NHLRC2: variants seen among roughly 807,000 people sequenced by gnomAD.
NHLRC2 encodes NHL repeat-containing protein 2.
NHLRC2 carries 33 observed loss-of-function variants against 68.1 expected under a neutral mutation model. The observed-to-expected ratio is 0.48, with a 90% CI of 0.37 to 0.65. The LOEUF (loss-of-function observed/expected upper bound fraction) is 0.65. Among genes scored for constraint, NHLRC2 ranks in the 30% least tolerant of loss-of-function variants. The pLI is 0.00. For synonymous variants in NHLRC2, 311 were observed against 309.6 expected (o/e 1.00, Z -0.05); for missense variants, 761 against 853.8 (o/e 0.89, Z 1.35).
At position 113,904,152 on chromosome 10, in the gene NHLRC2, G is replaced by A. The variant is rs147141212; in HGVS notation, c.1704+416G>A. Among the ~76,000 whole-genome samples, 1,109 of 142,884 alleles carry A rather than the reference G, an allele frequency of 7.8e-3. 2 individuals carry two copies. Among genetic ancestry groups the A allele is most frequent in the South Asian group, 0.02 (90 of 4,570 alleles). The allele number at this position is 142,884 out of a possible 152,430, so 93.7% of individuals were successfully genotyped here. On this transcript the variant is annotated intron_variant, in intron 9 of 10. Transcript: ENST00000369301. ...ATTAACATGTAACCTTTGTTTGCCT[G>A]TGATGAATCCATTACCAAATAATCT...
At chr10:113,897,327 A>G (rs772408995) in intron 5 of NHLRC2, among the ~76,000 whole-genome samples, 31 of 152,182 alleles carry the variant, frequency 2.0e-4, no homozygotes, top group Non-Finnish European at 4.3e-4. Flanking sequence ...CATTATTAAT[A>G]CTCACTGTAA....
At chr10:113,861,941 C>A (rs182275973) in intron 2 of NHLRC2, among the ~76,000 whole-genome samples, 1 of 151,884 alleles carries the variant, frequency 6.6e-6, no homozygotes, top group South Asian at 2.1e-4. Flanking sequence ...TGGCGCATCT[C>A]GGCCTACTGC....
chr10:113,892,866 A>G (rs1846145226), intron 5 of NHLRC2, among the ~76,000 whole-genome samples: 1 of 152,156 alleles, frequency 6.6e-6, no homozygotes, highest in Non-Finnish European at 1.5e-5. Context: ...GATGATACAA[A>G]TAGTGCCTAC....
In NHLRC2 at chr10:113,878,614, A is replaced by G. The variant is rs564740185; in HGVS notation, c.788-960A>G. Among the ~76,000 whole-genome samples the G allele has an allele frequency of 2.4e-4, 37 of 151,992 alleles. No homozygotes were observed. The South Asian group carries it at 7.3e-3, about 30-fold the overall frequency. On this transcript the variant is annotated intron_variant, in intron 3 of 10. Transcript: ENST00000369301. ...ATGATCTCAGCTCACTGCAGCCTCCACCTCCTGGGTTCAAGCAATTCTCCT... is the reference window on the plus strand; with the variant it reads ...ATGATCTCAGCTCACTGCAGCCTCCGCCTCCTGGGTTCAAGCAATTCTCCT...
intron 3 of NHLRC2, 26 bp downstream of exon 3, chr10:113,877,002 G>A (rs61280267): frequency 7.4e-7 from 1 of 1,349,302 alleles, no homozygotes. Context: ...GATTACGATA[G>A]ATAACGTGTT....
chr10:113,875,851 G>A (rs930043263), intron 2 of NHLRC2, among the ~76,000 whole-genome samples: 2 of 149,528 alleles, frequency 1.3e-5, no homozygotes, highest in Non-Finnish European at 3.0e-5. Context: ...TTACTTAGCT[G>A]TTATTATCTC....
At chr10:113,906,606 T>A (rs1357844586) in intron 10 of NHLRC2, among the ~76,000 whole-genome samples, 1 of 152,104 alleles carries the variant, frequency 6.6e-6, no homozygotes, top group Non-Finnish European at 1.5e-5. Context: ...GTGTGATATA[T>A]ATGACAAATA....
chr10:113,896,328 A>G (rs1231674499), intron 5 of NHLRC2, among the ~76,000 whole-genome samples: 1 of 152,052 alleles, frequency 6.6e-6, no homozygotes, highest in African/African-American at 2.4e-5. Flanking sequence ...ATGGAATACT[A>G]TGCAGCCATA....
In NHLRC2 at chr10:113,910,532, CTTA is replaced by C. The variant is rs1846318163; in HGVS notation, c.*2001_*2003del. 6.6e-6 allele frequency: 1 copy of C among 152,038 alleles called. No homozygotes were observed. Among genetic ancestry groups the C allele is most frequent in the South Asian group, 2.1e-4 (1 of 4,820 alleles). 9.4% of individuals were successfully genotyped at this position (152,038 alleles called of 1,614,324 possible). A position where few individuals can be genotyped will look rare whatever the true frequency, so the allele number is the denominator to read the frequency against. On this transcript the variant is annotated 3_prime_UTR_variant, in exon 11 of 11. Coordinates refer to ENST00000369301, the MANE Select transcript of NHLRC2 (RefSeq NM_198514.4). ...TTAGTTAATTTTTAATCTCATTTGA[CTTA>C]TTATGTTTCTCATTTCTAGATGGAC...
At chr10:113,869,498 C>T (rs1007638950) in intron 2 of NHLRC2, among the ~76,000 whole-genome samples, 3 of 152,166 alleles carry the variant, frequency 2.0e-5, no homozygotes, top group African/African-American at 2.4e-5. Context: ...TTTTGTCCCA[C>T]GTTCTCCATT....
At position 113,864,514 on chromosome 10, in the gene NHLRC2, A is replaced by G. The variant is rs149960344; in HGVS notation, c.331+5834A>G. 2.1e-3 allele frequency among the ~76,000 whole-genome samples: 316 copies of G among 152,238 alleles called. 3 individuals carry two copies. The Middle Eastern group carries it at 0.031, about 15-fold the overall frequency. On this transcript the variant is annotated intron_variant, in intron 2 of 10. Coordinates refer to ENST00000369301, the MANE Select transcript of NHLRC2 (RefSeq NM_198514.4). ...AGAGATGGAGACCATCCTGGCCAAC[A>G]TGGTGAAACCCTGTCTCTACTAGAA... is the stretch of plus-strand genomic sequence containing the variant.
intron 9 of NHLRC2, among the ~76,000 whole-genome samples, 186 bp downstream of exon 9, chr10:113,903,922 T>C (rs1846250655): frequency 6.6e-6 from 1 of 151,756 alleles, no homozygotes; most frequent in African/African-American, 2.4e-5. Flanking sequence ...ATTCTTAAAA[T>C]AAAAGTTCCA....
chr10:113,904,981 A>G lies in NHLRC2; in HGVS notation c.1869A>G (p.Pro623=), dbSNP rs1450181446. ...TLQFKLRLDL[P]SGSKLTEGVS... is the part of the protein sequence containing the mutation. Reference sequence around the variant, plus strand: ...AGTTCAAACTCAGATTAGACCTCCCATCAGGATCAAAGCTAACTGAAGGAG... The same window carrying G: ...AGTTCAAACTCAGATTAGACCTCCCGTCAGGATCAAAGCTAACTGAAGGAG... Residue 623 remains proline (P), a synonymous_variant, in exon 10 of 11, where the codon CCA becomes CCG. Coordinates refer to ENST00000369301, the MANE Select transcript of NHLRC2 (RefSeq NM_198514.4). 2 of 1,555,380 alleles carry G rather than the reference A, an allele frequency of 1.3e-6. No individual in the cohort carries two copies. Among genetic ancestry groups the G allele is most frequent in the Non-Finnish European group, 8.7e-7 (1 of 1,155,474 alleles).
intron 1 of NHLRC2, among the ~76,000 whole-genome samples, 172 bp downstream of exon 1, chr10:113,855,222 C>T (rs1450407062): frequency 6.6e-6 from 1 of 152,210 alleles, no homozygotes; most frequent in Non-Finnish European, 1.5e-5. Context: ...CCAGGGGTCC[C>T]CAAGCGGCCA....
At chr10:113,872,275 A>G (rs1019310144) in intron 2 of NHLRC2, among the ~76,000 whole-genome samples, 1 of 152,160 alleles carries the variant, frequency 6.6e-6, no homozygotes, top group Non-Finnish European at 1.5e-5. Context: ...CAAAAGAGAA[A>G]GAAGATATAT....
chr10:113,909,553 G>A lies in NHLRC2; in HGVS notation c.*1017G>A, dbSNP rs1846305849. ...GCCTTAAAAGTGAAATTTTCAGTGT[G>A]AGGTGCTTTCATGCTATTAATAGAT... On this transcript the variant is annotated 3_prime_UTR_variant, in exon 11 of 11. Coordinates refer to ENST00000369301, the MANE Select transcript of NHLRC2 (RefSeq NM_198514.4). 6.6e-6 allele frequency: 1 copy of A among 152,008 alleles called. No individual in the cohort carries two copies. The highest frequency in any genetic ancestry group is 6.5e-5 in the Admixed American group (1 of 15,270). The allele number at this position is 152,008 out of a possible 1,614,324, so 9.4% of individuals were successfully genotyped here. A position where few individuals can be genotyped will look rare whatever the true frequency, so the allele number is the denominator to read the frequency against.
rs1261905387 is a variant in NHLRC2, at chr10:113,911,508, T to C, written c.*2972T>C. ...AAAATTTACTATGTGTATATTTATA[T>C]AGGTGTGTGTATACACAAAGATTAA... On this transcript the variant is annotated 3_prime_UTR_variant, in exon 11 of 11. Coordinates refer to ENST00000369301, the MANE Select transcript of NHLRC2 (RefSeq NM_198514.4). 6.6e-6 allele frequency: 1 copy of C among 152,144 alleles called. No homozygotes were observed. The highest frequency in any genetic ancestry group is 1.5e-5 in the Non-Finnish European group (1 of 67,986). The allele number at this position is 152,144 out of a possible 1,614,324, so 9.4% of individuals were successfully genotyped here.
chr10:113,906,743 A>G (rs1378881422), intron 10 of NHLRC2, among the ~76,000 whole-genome samples: 1 of 152,248 alleles, frequency 6.6e-6, no homozygotes, highest in African/African-American at 2.4e-5. Flanking sequence ...TAATCCCAGC[A>G]CTTTGGGAGA....
At chr10:113,878,601 C>G (rs1340892311) in intron 3 of NHLRC2, among the ~76,000 whole-genome samples, 3 of 152,126 alleles carry the variant, frequency 2.0e-5, no homozygotes, top group African/African-American at 4.8e-5. Flanking sequence ...GATCTCAGCT[C>G]ACTGCAGCCT....
Sources: gnomAD v4.1 joint callset for allele counts (sites outside exome capture counted in the v4.1 genomes callset) on GRCh38, gnomAD v4.1.1 for gene constraint, MANE v1.5 for transcripts, NCBI Gene and HGNC (gene_info 2026-07-23, HGNC 2026-07-21) for gene names.